The following PTPN3 variants were observed in gnomAD, a reference collection of about 807,000 sequenced individuals.
PTPN3 encodes protein tyrosine phosphatase non-receptor type 3.
PTPN3 carries 96 observed loss-of-function variants against 132.7 expected under a neutral mutation model. The observed-to-expected ratio is 0.72, with a 90% confidence interval of 0.61 to 0.86. The LOEUF (loss-of-function observed/expected upper bound fraction) is 0.86, where lower values mean the gene tolerates loss of function less well. PTPN3 is among the 40% of genes least tolerant of loss of function. PTPN3 has a pLI of 0.00. For synonymous variants in PTPN3, 398 were observed against 429.0 expected (o/e 0.93, Z 0.89); for missense variants, 1,125 against 1,159.6 (o/e 0.97, Z 0.43).
At chr9:109,537,401 A>C in the PTPN3 span, among the ~76,000 whole-genome samples, 4 of 152,202 alleles carry the variant, frequency 2.6e-5, no homozygotes, top group Non-Finnish European at 4.4e-5. Context: ...AGCTGAACGG[A>C]TTCCTGCACC....
At chr9:109,448,183 G>A (rs1004489728) in intron 6 of PTPN3, among the ~76,000 whole-genome samples, 4 of 152,120 alleles carry the variant, frequency 2.6e-5, no homozygotes, top group Non-Finnish European at 4.4e-5. Flanking sequence ...GGTACAGCAC[G>A]CTGGTAACCT....
At chr9:109,497,109 C>CA (rs1320851003) in intron 1 of PTPN3, among the ~76,000 whole-genome samples, 10 of 152,114 alleles carry the variant, frequency 6.6e-5, no homozygotes, top group Non-Finnish European at 1.5e-4. Flanking sequence ...GATTACAATT[C>CA]GGCTAAATTG....
chr9:109,512,108 C>T, the PTPN3 span, among the ~76,000 whole-genome samples: 1 of 152,234 alleles, frequency 6.6e-6, no homozygotes. Flanking sequence ...GGCTTGCAGA[C>T]CACATTTTTA....
At chr9:109,479,461 G>T (rs187527404) in intron 1 of PTPN3, among the ~76,000 whole-genome samples, 171 of 152,358 alleles carry the variant, frequency 1.1e-3, no homozygotes, top group African/African-American at 3.8e-3. Context: ...GAATGGTGTT[G>T]CAATGCTTAA....
At chr9:109,463,069 G>A (rs377739373) in intron 2 of PTPN3, among the ~76,000 whole-genome samples, 4 of 151,116 alleles carry the variant, frequency 2.6e-5, no homozygotes, top group Admixed American at 6.6e-5. Context: ...ACATCTGAGC[G>A]TCAAACAGTT....
At chr9:109,407,508 G>A (rs1480559714) in intron 17 of PTPN3, among the ~76,000 whole-genome samples, 1 of 152,050 alleles carries the variant, frequency 6.6e-6, no homozygotes, top group South Asian at 2.1e-4. Flanking sequence ...AAAATTAAAC[G>A]AAAAAATTAC....
rs532472489 is a variant in PTPN3, at chr9:109,428,153, C to T, written c.828+468G>A. ...TCTCTGCCAAGTGCTTTGACCAATCCTCTTTTATTTAATCTTCACAATTCC... is the reference window on the plus strand; with the variant it reads ...TCTCTGCCAAGTGCTTTGACCAATCTTCTTTTATTTAATCTTCACAATTCC... On this transcript the variant is annotated intron_variant, in intron 11 of 25. Coordinates refer to ENST00000374541, the MANE Select transcript of PTPN3 (RefSeq NM_002829.4). Among the ~76,000 whole-genome samples the T allele has an allele frequency of 2.0e-5, 3 of 152,320 alleles. No homozygotes were observed. In the East Asian group the frequency reaches 5.8e-4, roughly 29 times the overall value.
the PTPN3 span, among the ~76,000 whole-genome samples, chr9:109,514,582 G>A: frequency 3.4e-4 from 52 of 152,280 alleles, no homozygotes; most frequent in Admixed American, 9.1e-4. Flanking sequence ...GCAAAATAGC[G>A]TCATTGATAT....
chr9:109,467,522 G>A (rs993276054), intron 1 of PTPN3, among the ~76,000 whole-genome samples: 5 of 152,108 alleles, frequency 3.3e-5, no homozygotes, highest in Non-Finnish European at 7.4e-5. Context: ...TTAGAATACA[G>A]GCTCTGCGGA....
At chr9:109,449,467 C>G (rs1845097278) in intron 5 of PTPN3, 2 of 985,514 alleles carry the variant, frequency 2.0e-6, no homozygotes, top group Non-Finnish European at 2.4e-6. Flanking sequence ...GCACTCATCT[C>G]TGGGCAACCA....
intron 1 of PTPN3, among the ~76,000 whole-genome samples, chr9:109,477,418 A>G (rs181659981): frequency 5.3e-5 from 8 of 152,270 alleles, no homozygotes; most frequent in African/African-American, 1.9e-4. Context: ...AAGATGACAC[A>G]CCTGATGTAA....
chr9:109,379,466 T>A lies in PTPN3; in HGVS notation c.*90A>T. 1 of 1,204,312 alleles carries A rather than the reference T, an allele frequency of 8.3e-7. No individual in the cohort carries two copies. The allele number at this position is 1,204,312 out of a possible 1,614,324, so 74.6% of individuals were successfully genotyped here. On this transcript the variant is annotated 3_prime_UTR_variant, in exon 26 of 26. Transcript: ENST00000374541. ...GTGCCCATTCCTTTCCCACAGCTACTGGTTCCTCTTGCTGCTTCCAGAGAG... is the reference window on the plus strand; with the variant it reads ...GTGCCCATTCCTTTCCCACAGCTACAGGTTCCTCTTGCTGCTTCCAGAGAG...
intron 10 of PTPN3, 23 bp from the exon 11 acceptor site, chr9:109,428,707 C>A: frequency 6.2e-7 from 1 of 1,607,084 alleles, no homozygotes; most frequent in South Asian, 1.1e-5. Context: ...AAACAAAACA[C>A]AAACAAAGCA....
intron 8 of PTPN3, among the ~76,000 whole-genome samples, chr9:109,437,545 T>C (rs1461226866): frequency 6.6e-6 from 1 of 152,216 alleles, no homozygotes; most frequent in Non-Finnish European, 1.5e-5. Flanking sequence ...ACTGCACAGC[T>C]GCTGCTGTAG....
Position 109,376,818 on chromosome 9 carries a change from C to T in PTPN3, c.*2738G>A, listed in dbSNP as rs1008533956. 6.6e-6 allele frequency: 1 copy of T among 152,204 alleles called. No individual in the cohort carries two copies. The highest frequency in any genetic ancestry group is 2.1e-4 in the South Asian group (1 of 4,826). The allele number at this position is 152,204 out of a possible 1,614,324, so 9.4% of individuals were successfully genotyped here. A position where few individuals can be genotyped will look rare whatever the true frequency, so the allele number is the denominator to read the frequency against. ...TAAGTGGTAATAGCTACAGGATTTA[C>T]TTGAATTGTTTGCTCTTTTAGGTAA... On this transcript the variant is annotated 3_prime_UTR_variant, in exon 26 of 26. Transcript: ENST00000374541.
At chr9:109,408,799 AT>A (rs1564404224) in intron 16 of PTPN3, among the ~76,000 whole-genome samples, 1,457 of 57,512 alleles carry the variant, frequency 0.025, 37 homozygotes, top group Non-Finnish European at 0.047. Context: ...AAAAAAAAAT[AT>A]ATATATATAT....
At chr9:109,464,840 G>T (rs1010767060) in intron 1 of PTPN3, among the ~76,000 whole-genome samples, 1 of 152,190 alleles carries the variant, frequency 6.6e-6, no homozygotes, top group Admixed American at 6.5e-5. Flanking sequence ...TCTGCTGCAT[G>T]ATTCCATTTA....
intron 5 of PTPN3, chr9:109,449,098 T>C: frequency 1.5e-6 from 2 of 1,343,614 alleles, no homozygotes; most frequent in Middle Eastern, 2.9e-4. Context: ...GCACAGGCTG[T>C]CCTATGAAGA....
chr9:109,471,702 A>G (rs1328411083), intron 1 of PTPN3, among the ~76,000 whole-genome samples: 2 of 150,334 alleles, frequency 1.3e-5, no homozygotes, highest in African/African-American at 4.9e-5. Flanking sequence ...CAGGGTACTC[A>G]TTATGTTGCC....
Sources: allele counts gnomAD v4.1 joint callset (sites outside exome capture counted in the v4.1 genomes callset), GRCh38; gene constraint gnomAD v4.1.1; transcripts MANE v1.5; gene names NCBI Gene and HGNC (gene_info 2026-07-23, HGNC 2026-07-21).